Variants in IL1RAPL2 observed in about 807,000 individuals in gnomAD.
IL1RAPL2 encodes the protein X-linked interleukin-1 receptor accessory protein-like 2.
A neutral mutation model predicts 44.1 loss-of-function variants in IL1RAPL2; 3 were observed. The observed-to-expected ratio is 0.07, with a 90% confidence interval of 0.03 to 0.18. The LOEUF is 0.18. Among genes scored for constraint, IL1RAPL2 ranks in the 10% least tolerant of loss-of-function variants. The probability of loss-of-function intolerance (pLI) is 1.00; values close to 1 mark genes in which losing one functional copy is unlikely to be tolerated. For missense variants in IL1RAPL2, 391 were observed against 496.4 expected, an observed-to-expected ratio of 0.79 and a Z score of 2.02; for synonymous variants, 181 against 178.8, an observed-to-expected ratio of 1.01 and a Z score of -0.10.
chrX:104,786,247 G>T (rs1932797366), intron 2 of IL1RAPL2, among the ~76,000 whole-genome samples: 1 of 111,275 alleles, frequency 9.0e-6, no homozygotes, highest in African/African-American at 3.3e-5. Flanking sequence ...AACATTATTG[G>T]CATCCCCGGA....
chrX:105,165,533 C>A (rs1044296403), intron 2 of IL1RAPL2, among the ~76,000 whole-genome samples: 8 of 112,067 alleles, frequency 7.1e-5, no homozygotes, highest in African/African-American at 2.6e-4. Context: ...TTGTTTCACG[C>A]TACTACCAGA....
chrX:105,107,486 C>A (rs189248789), intron 2 of IL1RAPL2, among the ~76,000 whole-genome samples: 1 of 112,290 alleles, frequency 8.9e-6, no homozygotes, highest in East Asian at 2.8e-4. Flanking sequence ...AAGACACTGA[C>A]GAATTAATGA....
rs955429006 is a variant in IL1RAPL2, at chrX:104,777,774, G to A, written c.82+118779G>A. ...TTTTTGTATTTTTAGTAGAGACGGCGTTTCACCATGTTGGCCAGGCTGGCC... is the reference window on the plus strand; with the variant it reads ...TTTTTGTATTTTTAGTAGAGACGGCATTTCACCATGTTGGCCAGGCTGGCC... On this transcript the variant is annotated intron_variant, in intron 2 of 10. Coordinates refer to ENST00000372582, the MANE Select transcript of IL1RAPL2 (RefSeq NM_017416.2). Among the ~76,000 whole-genome samples, 220 of 109,149 alleles carry A rather than the reference G, an allele frequency of 2.0e-3. 1 individual carries two copies. The highest frequency in any genetic ancestry group is 5.1e-3 in the African/African-American group (153 of 30,070). The allele number at this position is 109,149 out of a possible 115,157, so 94.8% of individuals were successfully genotyped here. A position where few individuals can be genotyped will look rare whatever the true frequency, so the allele number is the denominator to read the frequency against.
chrX:105,031,880 A>G (rs1412512774), intron 2 of IL1RAPL2, among the ~76,000 whole-genome samples: 1 of 111,552 alleles, frequency 9.0e-6, no homozygotes, highest in East Asian at 2.8e-4. Flanking sequence ...TTGGTAAGCT[A>G]TTGATTATTG....
At position 105,255,553 on chromosome X, in the gene IL1RAPL2, G is replaced by A. The variant is rs537111700; in HGVS notation, c.544-11835G>A. Among the ~76,000 whole-genome samples, 63 of 112,062 alleles carry A rather than the reference G, an allele frequency of 5.6e-4. No individual in the cohort carries two copies. The Middle Eastern group carries it at 0.019, about 33-fold the overall frequency. Reference sequence around the variant, plus strand: ...GTTTATCAGCTGAAGGAGCTTTTGGGCTGAGACAATGGGGTTTTCTAGATA... The same window carrying A: ...GTTTATCAGCTGAAGGAGCTTTTGGACTGAGACAATGGGGTTTTCTAGATA... On this transcript the variant is annotated intron_variant, in intron 4 of 10. Transcript: ENST00000372582.
intron 2 of IL1RAPL2, among the ~76,000 whole-genome samples, chrX:105,039,103 A>C (rs1027107717): frequency 8.9e-6 from 1 of 111,736 alleles, no homozygotes; most frequent in African/African-American, 3.2e-5. Context: ...TAAAAGAACA[A>C]AGTACATATA....
chrX:105,704,758 T>C (rs968513637), intron 6 of IL1RAPL2, among the ~76,000 whole-genome samples: 1 of 110,999 alleles, frequency 9.0e-6, no homozygotes, highest in Non-Finnish European at 1.9e-5. Flanking sequence ...ATTAGCTATT[T>C]TTCCTAATGT....
At chrX:104,989,137 C>G (rs751935397) in intron 2 of IL1RAPL2, among the ~76,000 whole-genome samples, 19 of 111,477 alleles carry the variant, frequency 1.7e-4, no homozygotes, top group Admixed American at 5.8e-4. Context: ...TTCGCTCATT[C>G]CTTTGTGGTT....
At chrX:105,412,863 T>C (rs1057092352) in intron 5 of IL1RAPL2, among the ~76,000 whole-genome samples, 3 of 112,191 alleles carry the variant, frequency 2.7e-5, no homozygotes, top group African/African-American at 9.7e-5. Flanking sequence ...GAAAAATATA[T>C]TTGGAGTTTA....
At chrX:104,660,543 A>G (rs900369332) in intron 2 of IL1RAPL2, among the ~76,000 whole-genome samples, 3 of 102,048 alleles carry the variant, frequency 2.9e-5, no homozygotes, top group Middle Eastern at 4.9e-3. Flanking sequence ...GTTAAAATAT[A>G]TATATATTTT....
chrX:104,779,309 C>G (rs1194629787), intron 2 of IL1RAPL2, among the ~76,000 whole-genome samples: 1 of 112,429 alleles, frequency 8.9e-6, no homozygotes, highest in Non-Finnish European at 1.9e-5. Context: ...CTTGGAAGCA[C>G]TAAGTGCAGC....
At chrX:105,014,248 A>G (rs1239382747) in intron 2 of IL1RAPL2, among the ~76,000 whole-genome samples, 1 of 111,681 alleles carries the variant, frequency 9.0e-6, no homozygotes, top group African/African-American at 3.2e-5. Context: ...TGTGGCATGC[A>G]TAGAATGTGT....
intron 2 of IL1RAPL2, among the ~76,000 whole-genome samples, chrX:105,191,495 G>A (rs1462196661): frequency 8.9e-6 from 1 of 112,095 alleles, no homozygotes; most frequent in Admixed American, 9.5e-5. Context: ...GATTACAGCT[G>A]TGAGCCACTG....
At chrX:105,374,296 T>A (rs1470084468) in intron 5 of IL1RAPL2, among the ~76,000 whole-genome samples, 1 of 110,512 alleles carries the variant, frequency 9.0e-6, no homozygotes, top group Admixed American at 9.7e-5. Context: ...TCTTTTTGTT[T>A]AGGATTTCCT....
chrX:105,720,639 T>C (rs1707361377), intron 7 of IL1RAPL2, among the ~76,000 whole-genome samples: 1 of 111,532 alleles, frequency 9.0e-6, no homozygotes, highest in African/African-American at 3.3e-5. Context: ...CAGTTAGGAC[T>C]ATTATGAAGA....
intron 2 of IL1RAPL2, among the ~76,000 whole-genome samples, chrX:104,680,459 G>A (rs1395374814): frequency 9.0e-6 from 1 of 111,352 alleles, no homozygotes; most frequent in Non-Finnish European, 1.9e-5. Flanking sequence ...TACAATTTGT[G>A]CAGCTGCACT....
At chrX:105,426,357 C>T (rs755716639) in intron 5 of IL1RAPL2, among the ~76,000 whole-genome samples, 8 of 110,884 alleles carry the variant, frequency 7.2e-5, no homozygotes, top group African/African-American at 2.6e-4. Flanking sequence ...CTACCTACCT[C>T]AGGGTGTGAT....
At chrX:105,577,000 G>A (rs1569455610) in intron 6 of IL1RAPL2, among the ~76,000 whole-genome samples, 1 of 111,212 alleles carries the variant, frequency 9.0e-6, no homozygotes, top group Admixed American at 9.6e-5. Flanking sequence ...TTTTATCATT[G>A]ATATTCCCAA....
intron 6 of IL1RAPL2, among the ~76,000 whole-genome samples, chrX:105,489,271 T>C (rs1439727683): frequency 9.1e-6 from 1 of 110,322 alleles, no homozygotes; most frequent in Admixed American, 9.6e-5. Context: ...ATTCGAGAAA[T>C]AAACCTTGAC....
Sources: gnomAD v4.1 joint callset for allele counts (sites outside exome capture counted in the v4.1 genomes callset) on GRCh38, gnomAD v4.1.1 for gene constraint, MANE v1.5 for transcripts, NCBI Gene and HGNC (gene_info 2026-07-23, HGNC 2026-07-21) for gene names.